MRTFB: variants seen among roughly 807,000 people sequenced by gnomAD.
MRTFB encodes the protein myocardin-related transcription factor B.
Under a neutral mutation model 104.2 loss-of-function variants are expected in MRTFB, and 29 were observed. That is an observed-to-expected ratio of 0.28 (90% CI 0.21 to 0.38). MRTFB has a LOEUF of 0.38. MRTFB is among the 10% of genes least tolerant of loss of function. The pLI is 1.00. For synonymous variants in MRTFB, 535 were observed against 519.5 expected (o/e 1.03, Z -0.41); for missense variants, 1,270 against 1,341.6 (o/e 0.95, Z 0.83).
chr16:14,242,541 C>T (rs1046562603), intron 10 of MRTFB, among the ~76,000 whole-genome samples: 1 of 152,122 alleles, frequency 6.6e-6, no homozygotes, highest in Non-Finnish European at 1.5e-5. Flanking sequence ...ATGTGGAAGT[C>T]ATAGAGTGCC....
intron 2 of MRTFB, among the ~76,000 whole-genome samples, chr16:14,089,767 G>T (rs955324431): frequency 6.6e-6 from 1 of 152,110 alleles, no homozygotes; most frequent in African/African-American, 2.4e-5. Context: ...ACATTTGAGG[G>T]TTCCAATTTC....
intron 1 of MRTFB, among the ~76,000 whole-genome samples, chr16:14,074,545 T>C (rs2033920441): frequency 6.6e-6 from 1 of 152,194 alleles, no homozygotes; most frequent in Non-Finnish European, 1.5e-5. Flanking sequence ...AAGATGCATA[T>C]GTGAGATAGA....
At chr16:14,113,031 T>G (rs2036357135) in intron 2 of MRTFB, among the ~76,000 whole-genome samples, 2 of 152,246 alleles carry the variant, frequency 1.3e-5, no homozygotes, top group African/African-American at 4.8e-5. Flanking sequence ...TATGTCTTTA[T>G]TTTTTAATTT....
intron 3 of MRTFB, among the ~76,000 whole-genome samples, chr16:14,184,939 G>A (rs1015929151): frequency 6.6e-6 from 1 of 152,156 alleles, no homozygotes; most frequent in Admixed American, 6.5e-5. Flanking sequence ...CAATCATAGC[G>A]ACCACGCCAA....
chr16:14,231,082 A>G (rs1428974729), intron 8 of MRTFB, among the ~76,000 whole-genome samples: 1 of 148,872 alleles, frequency 6.7e-6, no homozygotes, highest in Non-Finnish European at 1.5e-5. Context: ...GAATTGAACA[A>G]TGAGAACACA....
At chr16:14,246,431 A>C in intron 11 of MRTFB, 42 bp from the exon 12 acceptor site, 1 of 1,589,964 alleles carries the variant, frequency 6.3e-7, no homozygotes, top group Non-Finnish European at 8.6e-7. Context: ...GATTTGCCAG[A>C]AAGCTCTAAT....
rs1418286412 is a variant in MRTFB at position 14,230,439 on chromosome 16, A to G, written c.694-3707A>G. 2.6e-5 allele frequency among the ~76,000 whole-genome samples: 4 copies of G among 152,206 alleles called. No individual in the cohort carries two copies. The East Asian group carries it at 7.7e-4, about 29-fold the overall frequency. On this transcript the variant is annotated intron_variant, in intron 8 of 16. Coordinates refer to ENST00000571589, the MANE Select transcript of MRTFB (RefSeq NM_001308142.2). ...ATGAACTCAAACAAATTTACAAGAA[A>G]AAAACAAACAACCCCATCAAAAAGT...
In MRTFB at chr16:14,262,037, G is replaced by C. The variant is rs960965781; in HGVS notation, c.*593G>C. On this transcript the variant is annotated 3_prime_UTR_variant, in exon 17 of 17. Coordinates refer to ENST00000571589, the MANE Select transcript of MRTFB (RefSeq NM_001308142.2). ...CCTGTGTCGTTTTTTTGGTGTTGTA[G>C]TTTATTTTGTGATTTTTTGGAATCG... 6.6e-6 allele frequency: 1 copy of C among 152,190 alleles called. No individual in the cohort carries two copies. The highest frequency in any genetic ancestry group is 1.5e-5 in the Non-Finnish European group (1 of 68,038). The allele number at this position is 152,190 out of a possible 1,614,324, so 9.4% of individuals were successfully genotyped here.
chr16:14,112,505 A>G (rs2036324823), intron 2 of MRTFB, among the ~76,000 whole-genome samples: 1 of 152,256 alleles, frequency 6.6e-6, no homozygotes, highest in Non-Finnish European at 1.5e-5. Context: ...GTGAGAGGCA[A>G]AAATCACCAC....
intron 8 of MRTFB, among the ~76,000 whole-genome samples, chr16:14,227,013 T>C (rs2042034073): frequency 6.6e-6 from 1 of 151,798 alleles, no homozygotes; most frequent in Non-Finnish European, 1.5e-5. Context: ...AAAACTTCAG[T>C]GCATCAAAGG....
chr16:14,127,763 C>T (rs996009991), intron 2 of MRTFB, among the ~76,000 whole-genome samples: 1 of 150,996 alleles, frequency 6.6e-6, no homozygotes, highest in African/African-American at 2.4e-5. Context: ...TTTCCTCTTT[C>T]TCCAGGGTGT....
chr16:14,077,567 G>T (rs1166090054), intron 1 of MRTFB, among the ~76,000 whole-genome samples: 1 of 145,796 alleles, frequency 6.9e-6, no homozygotes, highest in African/African-American at 2.5e-5. Flanking sequence ...GTGAACTTTA[G>T]AATCGTTTTG....
intron 14 of MRTFB, 112 bp downstream of exon 14, chr16:14,252,135 A>G (rs2043281283): frequency 7.6e-7 from 1 of 1,315,076 alleles, no homozygotes; most frequent in Non-Finnish European, 1.0e-6. Flanking sequence ...AAAATTGTTG[A>G]AAATACAGTG....
At chr16:14,015,178 A>G in the MRTFB span, among the ~76,000 whole-genome samples, 2 of 152,246 alleles carry the variant, frequency 1.3e-5, no homozygotes, top group Non-Finnish European at 2.9e-5. Flanking sequence ...AACAGCCACA[A>G]TGCAAGTGAA....
At chr16:14,146,599 A>G (rs146396986) in intron 3 of MRTFB, among the ~76,000 whole-genome samples, 208 of 152,336 alleles carry the variant, frequency 1.4e-3, no homozygotes, top group African/African-American at 4.6e-3. Context: ...TATATTTGCA[A>G]ACAGTCAGGT....
intron 2 of MRTFB, among the ~76,000 whole-genome samples, chr16:14,134,333 C>A (rs1354835139): frequency 2.0e-5 from 3 of 152,176 alleles, no homozygotes; most frequent in Non-Finnish European, 4.4e-5. Flanking sequence ...AAAAACTCTA[C>A]TTAGAAGTTA....
intron 2 of MRTFB, among the ~76,000 whole-genome samples, chr16:14,080,306 A>G (rs890457344): frequency 6.6e-6 from 1 of 152,136 alleles, no homozygotes; most frequent in African/African-American, 2.4e-5. Context: ...TTGCCCACAC[A>G]ATTTTGTTAA....
chr16:14,158,819 T>C (rs929281575), intron 3 of MRTFB, among the ~76,000 whole-genome samples: 2 of 152,124 alleles, frequency 1.3e-5, no homozygotes, highest in Admixed American at 1.3e-4. Flanking sequence ...TCATATATAA[T>C]AGGTGCTATA....
At chr16:14,179,700 C>T (rs554952698) in intron 3 of MRTFB, among the ~76,000 whole-genome samples, 6 of 152,152 alleles carry the variant, frequency 3.9e-5, no homozygotes, top group Non-Finnish European at 8.8e-5. Flanking sequence ...CTAGACTTAA[C>T]GATAACTAAG....
Sources: gnomAD v4.1 joint callset for allele counts (sites outside exome capture counted in the v4.1 genomes callset) on GRCh38, gnomAD v4.1.1 for gene constraint, MANE v1.5 for transcripts, NCBI Gene and HGNC (gene_info 2026-07-23, HGNC 2026-07-21) for gene names.